MTA1: variants seen among roughly 807,000 people sequenced by gnomAD.
The protein encoded by MTA1 is metastasis-associated protein MTA1.
Under a neutral mutation model 97.0 loss-of-function variants are expected in MTA1, and 15 were observed. The observed-to-expected ratio is 0.15, with a 90% CI of 0.10 to 0.24. MTA1 has a LOEUF of 0.24. MTA1 is among the 10% of genes least tolerant of loss of function. The probability of loss-of-function intolerance (pLI) is 1.00; values close to 1 mark genes in which losing one functional copy is unlikely to be tolerated. For missense variants in MTA1, 709 were observed against 1,015.1 expected, an observed-to-expected ratio of 0.70 and a Z score of 4.10; for synonymous variants, 435 against 417.5, an observed-to-expected ratio of 1.04 and a Z score of -0.51.
chr14:105,458,205 A>G (rs932183226), intron 7 of MTA1, 65 bp from the exon 8 acceptor site: 123 of 1,405,958 alleles, frequency 8.7e-5, no homozygotes, highest in Non-Finnish European at 1.2e-4. Flanking sequence ...GCACCCGGGG[A>G]GGAGAGGCGC....
chr14:105,437,442 C>T (rs782722346), intron 1 of MTA1, among the ~76,000 whole-genome samples: 1 of 150,678 alleles, frequency 6.6e-6, no homozygotes, highest in Non-Finnish European at 1.5e-5. Flanking sequence ...TGTGTCCTCA[C>T]GGGCATGAGC....
Position 105,470,363 on chromosome 14 carries a change from G to A in MTA1, c.*148G>A, listed in dbSNP as rs1490760233. On this transcript the variant is annotated 3_prime_UTR_variant, in exon 21 of 21. Coordinates refer to ENST00000331320, the MANE Select transcript of MTA1 (RefSeq NM_004689.4). ...ACGCGCTCCTTGGCGGACACTGGGG[G>A]AGGAGAGGAAGAAGCGCGGCTAACT... 3.0e-5 allele frequency: 19 copies of A among 628,216 alleles called. No homozygotes were observed. Among genetic ancestry groups the A allele is most frequent in the Admixed American group, 1.3e-4 (3 of 23,880 alleles). 38.9% of individuals were successfully genotyped at this position (628,216 alleles called of 1,614,324 possible). A position where few individuals can be genotyped will look rare whatever the true frequency, so the allele number is the denominator to read the frequency against.
At position 105,454,251 on chromosome 14, in the gene MTA1, A is replaced by G. The variant is rs1310316806; in HGVS notation, c.491A>G (p.Lys164Arg). 2.5e-6 allele frequency: 4 copies of G among 1,613,710 alleles called. No homozygotes were observed. The highest frequency in any genetic ancestry group is 3.4e-6 in the Non-Finnish European group (4 of 1,179,752). Reference sequence around the variant, plus strand: ...CAGCAGAAGACCCTGCTGGCAGATAAAGGAGAGATTCGAGTAGGAAACCGG... The same window carrying G: ...CAGCAGAAGACCCTGCTGGCAGATAGAGGAGAGATTCGAGTAGGAAACCGG... ...DPQQKTLLAD[K>R]GEIRVGNRYQ... Residue 164 changes from lysine (K) to arginine (R), a missense_variant, in exon 7 of 21, where the codon AAA (lysine) becomes AGA (arginine). By Grantham distance (26) the Lys-to-Arg change is conservative (BLOSUM62 2). Around this residue, in one of 2 missense-constraint regions of MTA1, gnomAD observed 321 missense variants for 593.5 expected, o/e 0.54. Coordinates refer to ENST00000331320, the MANE Select transcript of MTA1 (RefSeq NM_004689.4).
intron 6 of MTA1, among the ~76,000 whole-genome samples, chr14:105,453,548 G>A (rs868986784): frequency 3.3e-5 from 5 of 152,102 alleles, no homozygotes; most frequent in Admixed American, 6.6e-5. Context: ...AGTGGCTGAC[G>A]CCAGTAATTC....
chr14:105,469,688 C>A, intron 19 of MTA1, 153 bp from the exon 20 acceptor site: 1 of 1,264,240 alleles, frequency 7.9e-7, no homozygotes, highest in Non-Finnish European at 1.1e-6. Flanking sequence ...GGCCGACCAG[C>A]CCTCAGGGCT....
At chr14:105,457,415 A>T (rs1555430132) in intron 7 of MTA1, among the ~76,000 whole-genome samples, 1 of 152,194 alleles carries the variant, frequency 6.6e-6, no homozygotes, top group Non-Finnish European at 1.5e-5. Flanking sequence ...CAGCTCCCAG[A>T]AGACAGGAAA....
At chr14:105,431,687 G>T (rs1044033699) in intron 1 of MTA1, among the ~76,000 whole-genome samples, 2 of 152,200 alleles carry the variant, frequency 1.3e-5, no homozygotes, top group South Asian at 4.1e-4. Flanking sequence ...GTGCAGTGGC[G>T]CAGTCTCGGC....
In MTA1 at chr14:105,464,695, C is replaced by T. The variant is rs782344158; in HGVS notation, c.1366C>T (p.Arg456Trp). Reference sequence around the variant, plus strand: ...GCAGAGTCCCCACGGCCTCCCAGCCCGGAGCAGCGGGAGCCCCAAGTTTGC... The same window carrying T: ...GCAGAGTCCCCACGGCCTCCCAGCCTGGAGCAGCGGGAGCCCCAAGTTTGC... ...SNMSPHGLPA[R>W]SSGSPKFAMK... The change falls in exon 15 of 21, where the codon CGG becomes TGG. Residue 456 changes from arginine (R) to tryptophan (W), a missense_variant. Around this residue, in one of 2 missense-constraint regions of MTA1, gnomAD observed 388 missense variants for 421.6 expected, o/e 0.92. Transcript: ENST00000331320. 32 of 1,604,572 alleles carry T rather than the reference C, an allele frequency of 2.0e-5. No homozygotes were observed. Among genetic ancestry groups the T allele is most frequent in the East Asian group, 2.2e-5 (1 of 44,670 alleles).
In MTA1 at chr14:105,463,928, G is replaced by T; in HGVS notation, c.1077-104G>T. 1 of 1,065,542 alleles carries T rather than the reference G, an allele frequency of 9.4e-7. No homozygotes were observed. The highest frequency in any genetic ancestry group is 1.4e-6 in the Non-Finnish European group (1 of 691,000). 66.0% of individuals were successfully genotyped at this position (1,065,542 alleles called of 1,614,324 possible). On this transcript the variant is annotated intron_variant, in intron 12 of 20. Transcript: ENST00000331320. The surrounding 1 kb of genome is among the most constrained non-coding windows in gnomAD (Gnocchi z 5.9). The stretch of plus-strand genomic sequence containing the variant: ...TGCCGAGGCCGAGGGGTGCGAGGAC[G>T]TGGTTCTGGACAAGGGGTGGTCAGC...
intron 1 of MTA1, among the ~76,000 whole-genome samples, chr14:105,431,725 G>T (rs777992998): frequency 6.6e-6 from 1 of 151,692 alleles, no homozygotes; most frequent in African/African-American, 2.4e-5. Context: ...TCCCGGGCCC[G>T]AGTGATTCTC....
intron 7 of MTA1, chr14:105,454,575 C>T (rs2083070506): frequency 5.7e-6 from 2 of 353,388 alleles, no homozygotes; most frequent in Non-Finnish European, 1.1e-5. Context: ...TGTCCTTGCA[C>T]AGTGACACCT....
Position 105,466,586 on chromosome 14 carries a change from GC to G in MTA1, c.1777+15del, listed in dbSNP as rs587701814. The G allele has an allele frequency of 5.2e-4, 808 of 1,565,208 alleles. 3 individuals are homozygous for G. In the Middle Eastern group the frequency reaches 6.7e-3, roughly 13 times the overall value. On this transcript the variant is annotated intron_variant, in intron 17 of 20. Coordinates refer to ENST00000331320, the MANE Select transcript of MTA1 (RefSeq NM_004689.4). ...AGCACAACGGGGTGGACGGTGAGTGGCCCCCCCGCCCGGTGAGTGTGGCCCT... is the reference window on the plus strand; with the variant it reads ...AGCACAACGGGGTGGACGGTGAGTGGCCCCCCGCCCGGTGAGTGTGGCCCT...
chr14:105,426,405 A>C (rs2082016564), intron 1 of MTA1, among the ~76,000 whole-genome samples: 1 of 149,892 alleles, frequency 6.7e-6, no homozygotes, highest in African/African-American at 2.4e-5. Context: ...AAGAGCCTCA[A>C]GGCCTGTGCA....
At chr14:105,449,244 G>GCCCCCGTTCTGCCCTGCCC (rs2082828978) in intron 3 of MTA1, 115 bp from the exon 4 acceptor site, 2 of 1,057,128 alleles carry the variant, frequency 1.9e-6, no homozygotes, top group Non-Finnish European at 2.7e-6. Context: ...GAGGCCTGCG[G>GCCCCCGTTCTGCCCTGCCC]CCCCCGTTCT....
chr14:105,450,644 G>C (rs2082891147), intron 6 of MTA1, among the ~76,000 whole-genome samples: 1 of 152,330 alleles, frequency 6.6e-6, no homozygotes, highest in African/African-American at 2.4e-5. Flanking sequence ...GGGGCCACCT[G>C]AGTCTTCGCA....
chr14:105,434,842 A>G (rs1555424075), intron 1 of MTA1, among the ~76,000 whole-genome samples: 3 of 152,226 alleles, frequency 2.0e-5, no homozygotes, highest in Non-Finnish European at 4.4e-5. Flanking sequence ...GTGACCTTGC[A>G]AAACTCTTAC....
intron 7 of MTA1, among the ~76,000 whole-genome samples, chr14:105,455,456 G>C (rs1294507511): frequency 6.6e-6 from 1 of 152,254 alleles, no homozygotes; most frequent in Non-Finnish European, 1.5e-5. Flanking sequence ...AAGGCCGCGA[G>C]GCTGCCCTCG....
chr14:105,445,683 G>T (rs984328412), intron 3 of MTA1, 172 bp downstream of exon 3: 1 of 752,318 alleles, frequency 1.3e-6, no homozygotes, highest in South Asian at 1.5e-5. Context: ...GGGGTGTCCT[G>T]GCTCCGTTTC....
At chr14:105,421,569 C>T (rs1555420912) in intron 1 of MTA1, among the ~76,000 whole-genome samples, 1 of 152,230 alleles carries the variant, frequency 6.6e-6, no homozygotes, top group Non-Finnish European at 1.5e-5. Context: ...CCGACCCCAA[C>T]TCATGCCTTC....
Sources: gnomAD v4.1 joint callset for allele counts (sites outside exome capture counted in the v4.1 genomes callset) on GRCh38, gnomAD v4.1.1 for gene constraint, gnomAD v4.1.1 regional missense constraint, Gnocchi (gnomAD v3.1) non-coding constraint, MANE v1.5 for transcripts, NCBI Gene and HGNC (gene_info 2026-07-23, HGNC 2026-07-21) for gene names.